CNTN4: variants seen among roughly 807,000 people sequenced by gnomAD.
CNTN4 encodes the protein contactin-4.
A neutral mutation model predicts 122.5 loss-of-function variants in CNTN4; 77 were observed. That is an observed-to-expected ratio of 0.63 (90% confidence interval 0.52 to 0.76). CNTN4 has a LOEUF of 0.76. Ranked by LOEUF, CNTN4 falls within the 30% of genes least tolerant of loss-of-function variation. The pLI is 0.00. For synonymous variants in CNTN4, 512 were observed against 447.0 expected, an observed-to-expected ratio of 1.15 and a Z score of -1.83; for missense variants, 1,256 against 1,259.1, an observed-to-expected ratio of 1.00 and a Z score of 0.04.
chr3:2,920,318 G>C (rs1322230123), intron 12 of CNTN4, among the ~76,000 whole-genome samples: 1 of 150,236 alleles, frequency 6.7e-6, no homozygotes, highest in Non-Finnish European at 1.5e-5. Flanking sequence ...AAGGAGGCTG[G>C]ATATGACTGT....
chr3:2,816,076 C>A (rs146188041), intron 6 of CNTN4, among the ~76,000 whole-genome samples: 2 of 151,962 alleles, frequency 1.3e-5, no homozygotes, highest in Non-Finnish European at 2.9e-5. Context: ...ACAATGAGGC[C>A]GGATACAGTG....
intron 2 of CNTN4, among the ~76,000 whole-genome samples, chr3:2,143,615 C>T (rs1454642474): frequency 6.6e-6 from 1 of 152,172 alleles, no homozygotes; most frequent in Non-Finnish European, 1.5e-5. Context: ...ACTAATTTAT[C>T]AATGATAAAT....
intron 4 of CNTN4, among the ~76,000 whole-genome samples, chr3:2,591,439 A>C (rs1268992836): frequency 4.3e-5 from 2 of 46,354 alleles, no homozygotes; most frequent in Admixed American, 3.8e-4. Flanking sequence ...ATCTCGGCTC[A>C]CTGCAAGCTC....
chr3:2,608,443 T>C (rs1003264811), intron 4 of CNTN4, among the ~76,000 whole-genome samples: 16 of 150,614 alleles, frequency 1.1e-4, no homozygotes, highest in African/African-American at 3.6e-4. Flanking sequence ...CTGGGCAACA[T>C]AGTGAGACGC....
chr3:3,022,609 T>A (rs999891439), intron 14 of CNTN4, among the ~76,000 whole-genome samples: 2 of 152,328 alleles, frequency 1.3e-5, no homozygotes, highest in African/African-American at 4.8e-5. Context: ...GTAGTTAATA[T>A]TATTAAAAAT....
At chr3:2,755,157 G>A (rs1270242582) in intron 6 of CNTN4, among the ~76,000 whole-genome samples, 2 of 152,088 alleles carry the variant, frequency 1.3e-5, no homozygotes, top group Non-Finnish European at 2.9e-5. Flanking sequence ...CTAATAACTA[G>A]CTTATCCTTC....
At chr3:2,911,144 C>T (rs1009418331) in intron 12 of CNTN4, among the ~76,000 whole-genome samples, 1 of 152,076 alleles carries the variant, frequency 6.6e-6, no homozygotes, top group Admixed American at 6.6e-5. Flanking sequence ...TCCGTTTTGC[C>T]TGAATCTAAG....
At chr3:2,243,866 G>T (rs2040037597) in intron 2 of CNTN4, among the ~76,000 whole-genome samples, 1 of 152,060 alleles carries the variant, frequency 6.6e-6, no homozygotes, top group South Asian at 2.1e-4. Flanking sequence ...CCATACTTCT[G>T]CAGTATAGGC....
intron 6 of CNTN4, among the ~76,000 whole-genome samples, chr3:2,785,551 C>G (rs529161731): frequency 6.6e-6 from 1 of 152,090 alleles, no homozygotes. Context: ...CACTCCTTGG[C>G]CCAAATTAAC....
chr3:2,812,145 G>C (rs1283252873), intron 6 of CNTN4, among the ~76,000 whole-genome samples: 1 of 152,158 alleles, frequency 6.6e-6, no homozygotes. Flanking sequence ...CGGGAGGAGG[G>C]AGAGGATCAG....
intron 4 of CNTN4, among the ~76,000 whole-genome samples, chr3:2,696,111 CTT>C (rs1159161994): frequency 5.9e-5 from 9 of 152,208 alleles, no homozygotes; most frequent in Admixed American, 5.2e-4. Context: ...CCCCAATTCT[CTT>C]GTTAGAAATT....
intron 3 of CNTN4, among the ~76,000 whole-genome samples, chr3:2,440,136 C>CT (rs1356004185): frequency 2.0e-5 from 3 of 152,128 alleles, no homozygotes; most frequent in Non-Finnish European, 4.4e-5. Flanking sequence ...GTCCAGATCA[C>CT]TTTTTTTAAA....
intron 14 of CNTN4, chr3:3,008,973 C>T (rs1483608377): frequency 1.3e-5 from 13 of 985,140 alleles, no homozygotes; most frequent in African/African-American, 3.5e-5. Flanking sequence ...CTTCAAACTT[C>T]GTCATTACAG....
At chr3:2,494,879 G>A (rs960301943) in intron 3 of CNTN4, among the ~76,000 whole-genome samples, 1 of 152,092 alleles carries the variant, frequency 6.6e-6, no homozygotes, top group Non-Finnish European at 1.5e-5. Flanking sequence ...CTGTATGTAT[G>A]TACAATATGT....
intron 4 of CNTN4, among the ~76,000 whole-genome samples, chr3:2,601,927 G>A (rs1049036310): frequency 2.0e-5 from 3 of 151,800 alleles, no homozygotes; most frequent in Non-Finnish European, 2.9e-5. Flanking sequence ...GGGATGCAAG[G>A]CTGATTCAAC....
At chr3:2,244,483 G>A (rs757563906) in intron 2 of CNTN4, among the ~76,000 whole-genome samples, 2 of 151,944 alleles carry the variant, frequency 1.3e-5, no homozygotes, top group Non-Finnish European at 2.9e-5. Context: ...TGAACATTAG[G>A]TTTCAGAAGA....
chr3:2,979,641 T>A (rs1396345249), intron 13 of CNTN4, among the ~76,000 whole-genome samples: 2 of 152,132 alleles, frequency 1.3e-5, no homozygotes, highest in Non-Finnish European at 2.9e-5. Flanking sequence ...CACATAATTT[T>A]AAGTGAGCTA....
chr3:2,959,539 T>C (rs942666921), intron 13 of CNTN4, among the ~76,000 whole-genome samples: 66 of 152,244 alleles, frequency 4.3e-4, no homozygotes, highest in African/African-American at 1.6e-3. Flanking sequence ...GCTTTAGAAA[T>C]AGTATATACC....
intron 3 of CNTN4, among the ~76,000 whole-genome samples, chr3:2,464,884 C>T (rs1210854082): frequency 1.3e-5 from 2 of 152,158 alleles, no homozygotes; most frequent in Admixed American, 6.5e-5. Flanking sequence ...AAATGACTTT[C>T]CTGTGGAGGC....
Sources: gnomAD v4.1 joint callset for allele counts (sites outside exome capture counted in the v4.1 genomes callset) on GRCh38, gnomAD v4.1.1 for gene constraint, MANE v1.5 for transcripts, NCBI Gene and HGNC (gene_info 2026-07-23, HGNC 2026-07-21) for gene names.